DCLK2: variants seen among roughly 807,000 people sequenced by gnomAD.
DCLK2 encodes the protein serine/threonine-protein kinase DCLK2.
DCLK2 carries 31 observed loss-of-function variants against 78.4 expected under a neutral mutation model. The observed-to-expected ratio is 0.40, with a 90% confidence interval of 0.30 to 0.53. The LOEUF is 0.53. Among genes scored for constraint, DCLK2 ranks in the 20% least tolerant of loss-of-function variants. The pLI, the probability that DCLK2 is intolerant of heterozygous loss-of-function variation, is 0.61. For missense variants in DCLK2, 872 were observed against 973.7 expected (o/e 0.90, Z 1.39); for synonymous variants, 407 against 374.9 (o/e 1.09, Z -0.99).
At chr4:150,174,737 C>T (rs1736819829) in intron 2 of DCLK2, among the ~76,000 whole-genome samples, 1 of 151,554 alleles carries the variant, frequency 6.6e-6, no homozygotes. Flanking sequence ...TGGCTCACAC[C>T]TCTAATCCCA....
chr4:150,217,999 G>A (rs992286593), intron 5 of DCLK2, among the ~76,000 whole-genome samples: 23 of 152,286 alleles, frequency 1.5e-4, no homozygotes, highest in Middle Eastern at 6.8e-3. Context: ...AGGTACACTT[G>A]AAAGTGGCCC....
chr4:150,200,904 G>A (rs550141603), intron 4 of DCLK2, among the ~76,000 whole-genome samples: 11 of 152,268 alleles, frequency 7.2e-5, no homozygotes, highest in South Asian at 4.1e-4. Flanking sequence ...CTGAACCTCC[G>A]CCTCAGGAGT....
At chr4:150,083,379 A>G (rs1471998175) in intron 1 of DCLK2, among the ~76,000 whole-genome samples, 1 of 152,178 alleles carries the variant, frequency 6.6e-6, no homozygotes, top group African/African-American at 2.4e-5. Context: ...GGTTATTTTG[A>G]TAATGATACT....
At chr4:150,249,539 A>G (rs200499173) in intron 14 of DCLK2, 29 bp from the exon 15 acceptor site, 2 of 1,588,958 alleles carry the variant, frequency 1.3e-6, no homozygotes, top group East Asian at 2.2e-5. Flanking sequence ...TGGAAAAAGC[A>G]TTGTATTTGA....
intron 2 of DCLK2, among the ~76,000 whole-genome samples, chr4:150,149,801 A>G (rs1040875488): frequency 3.3e-5 from 5 of 152,212 alleles, no homozygotes; most frequent in Non-Finnish European, 7.3e-5. Context: ...GACTTCATTG[A>G]AAGAGATTCT....
At chr4:150,220,665 A>T in intron 5 of DCLK2, 38 bp from the exon 6 acceptor site, 3 of 1,557,464 alleles carry the variant, frequency 1.9e-6, no homozygotes, top group Non-Finnish European at 2.7e-6. Flanking sequence ...GGGATTTGTA[A>T]ATTATCCTGA....
At chr4:150,209,286 C>T (rs999112750) in intron 5 of DCLK2, among the ~76,000 whole-genome samples, 9 of 152,134 alleles carry the variant, frequency 5.9e-5, no homozygotes, top group Admixed American at 3.3e-4. Flanking sequence ...GTGATGGTCA[C>T]CTAGGGAGGA....
intron 7 of DCLK2, among the ~76,000 whole-genome samples, chr4:150,223,319 C>G (rs753020677): frequency 6.6e-6 from 1 of 152,204 alleles, no homozygotes; most frequent in Non-Finnish European, 1.5e-5. Flanking sequence ...CTACAACCAC[C>G]TGGCAAATCC....
At chr4:150,108,220 C>A (rs1731406419) in intron 2 of DCLK2, among the ~76,000 whole-genome samples, 3 of 151,760 alleles carry the variant, frequency 2.0e-5, no homozygotes, top group Non-Finnish European at 2.9e-5. Context: ...AAAAATAAAA[C>A]CTTCTTGGCC....
At chr4:150,202,455 A>G (rs1580708828) in intron 4 of DCLK2, among the ~76,000 whole-genome samples, 1 of 152,342 alleles carries the variant, frequency 6.6e-6, no homozygotes, top group Middle Eastern at 3.4e-3. Context: ...CTGAAATTTT[A>G]AAATGAGCAA....
intron 2 of DCLK2, among the ~76,000 whole-genome samples, chr4:150,142,108 T>C (rs1734150153): frequency 6.6e-6 from 1 of 152,232 alleles, no homozygotes; most frequent in Non-Finnish European, 1.5e-5. Context: ...TTTATGAACC[T>C]GTCATTGTGA....
chr4:150,207,929 G>A (rs908648730), intron 5 of DCLK2, among the ~76,000 whole-genome samples: 1 of 152,150 alleles, frequency 6.6e-6, no homozygotes, highest in African/African-American at 2.4e-5. Context: ...AGGAAATCCA[G>A]CTCCAACAAG....
chr4:150,089,681 T>G (rs1420185952), intron 1 of DCLK2, among the ~76,000 whole-genome samples: 1 of 152,254 alleles, frequency 6.6e-6, no homozygotes, highest in Non-Finnish European at 1.5e-5. Flanking sequence ...AAATTAGGTA[T>G]GCTTATGTAT....
chr4:150,256,238 C>G lies in DCLK2; in HGVS notation c.2292C>G (p.His764Gln). Reference sequence around the variant, plus strand: ...AGCGGGCAGGAACCTGGCGCCGCCACCGAGACTGAGCCTCCTGCAGACGGG... The same window carrying G: ...AGCGGGCAGGAACCTGGCGCCGCCAGCGAGACTGAGCCTCCTGCAGACGGG... ...GGERAGTWRR[H>Q]RD Residue 764 changes from histidine to glutamine, a missense_variant, in exon 16 of 16, where the codon CAC becomes CAG. Physicochemically the swap from His to Gln is conservative, Grantham distance 24. Transcript: ENST00000296550. The G allele has an allele frequency of 6.6e-7, 1 of 1,526,584 alleles. No individual in the cohort carries two copies. Among genetic ancestry groups the G allele is most frequent in the Non-Finnish European group, 8.8e-7 (1 of 1,136,552 alleles). 94.6% of individuals were successfully genotyped at this position (1,526,584 alleles called of 1,614,324 possible).
At chr4:150,253,400 G>T (rs2126651280) in intron 15 of DCLK2, 1 of 1,284,418 alleles carries the variant, frequency 7.8e-7, no homozygotes, top group Non-Finnish European at 1.0e-6. Flanking sequence ...GTGAGAAAAT[G>T]ATGGGCTAGA....
intron 2 of DCLK2, among the ~76,000 whole-genome samples, chr4:150,142,741 A>G (rs1164013246): frequency 6.6e-6 from 1 of 152,148 alleles, no homozygotes; most frequent in Non-Finnish European, 1.5e-5. Context: ...TTGTACCTTT[A>G]GTGAACTTAT....
chr4:150,176,722 A>G (rs1263427969), intron 2 of DCLK2, among the ~76,000 whole-genome samples: 2 of 152,178 alleles, frequency 1.3e-5, no homozygotes, highest in Non-Finnish European at 2.9e-5. Context: ...GAGAAAAGAG[A>G]CTGCATTCCC....
chr4:150,240,486 CT>C lies in DCLK2; in HGVS notation c.1778+14del. On this transcript the variant is annotated intron_variant, in intron 12 of 15. Transcript: ENST00000296550. ...TCCCACCATTCCGAAGGTAGGCGGC[CT>C]TTTGGGCGACGTATTTGAATTGCAA... 1 of 1,598,186 alleles carries C rather than the reference CT, an allele frequency of 6.3e-7. No individual in the cohort carries two copies. The highest frequency in any genetic ancestry group is 8.5e-7 in the Non-Finnish European group (1 of 1,169,762).
intron 2 of DCLK2, among the ~76,000 whole-genome samples, chr4:150,108,596 TTTAAG>T (rs1731438851): frequency 6.6e-6 from 1 of 151,932 alleles, no homozygotes; most frequent in Non-Finnish European, 1.5e-5. Flanking sequence ...TTCTTGCACT[TTTAAG>T]TTAAAGGGAT....
Sources: gnomAD v4.1 joint callset for allele counts (sites outside exome capture counted in the v4.1 genomes callset) on GRCh38, gnomAD v4.1.1 for gene constraint, MANE v1.5 for transcripts, NCBI Gene and HGNC (gene_info 2026-07-23, HGNC 2026-07-21) for gene names.